SPIDR: variants seen among roughly 807,000 people sequenced by gnomAD.
SPIDR encodes scaffold protein involved in DNA repair, also known as DNA repair-scaffolding protein.
SPIDR carries 93 observed loss-of-function variants against 104.6 expected under a neutral mutation model. The ratio of observed to expected loss-of-function variants is 0.89; its 90% CI spans 0.75 to 1.06. SPIDR has a LOEUF of 1.06. SPIDR is among the 50% of genes least tolerant of loss of function. The pLI is 0.00. For synonymous variants in SPIDR, 431 were observed against 416.9 expected (o/e 1.03, Z -0.41); for missense variants, 1,154 against 1,111.2 (o/e 1.04, Z -0.55).
intron 10 of SPIDR, among the ~76,000 whole-genome samples, chr8:47,637,226 T>G (rs1277894223): frequency 3.9e-5 from 6 of 152,188 alleles, no homozygotes; most frequent in Non-Finnish European, 2.9e-5. Flanking sequence ...TTTTGAGACT[T>G]CTCTTTTATG....
chr8:47,478,288 G>A (rs538455834), intron 8 of SPIDR, among the ~76,000 whole-genome samples: 6 of 152,296 alleles, frequency 3.9e-5, no homozygotes, highest in South Asian at 4.1e-4. Flanking sequence ...TGGTGACAGC[G>A]TGGTGGGGAG....
intron 10 of SPIDR, among the ~76,000 whole-genome samples, chr8:47,665,674 T>A (rs1207497626): frequency 6.6e-6 from 1 of 152,244 alleles, no homozygotes; most frequent in Non-Finnish European, 1.5e-5. Context: ...TATCACCTGC[T>A]AAATACTGCT....
intron 10 of SPIDR, among the ~76,000 whole-genome samples, chr8:47,606,609 G>A (rs1030905019): frequency 1.3e-5 from 2 of 152,124 alleles, no homozygotes; most frequent in African/African-American, 4.8e-5. Flanking sequence ...GCCGAATGAG[G>A]AACATGCACT....
intron 5 of SPIDR, among the ~76,000 whole-genome samples, chr8:47,295,742 G>A (rs368331222): frequency 0.018 from 2,675 of 152,194 alleles, 84 homozygotes; most frequent in African/African-American, 0.06. Flanking sequence ...ATTGTGAATA[G>A]CACTGCAGTT....
chr8:47,300,562 C>T (rs1051344261), intron 5 of SPIDR, among the ~76,000 whole-genome samples: 55 of 152,270 alleles, frequency 3.6e-4, no homozygotes, highest in African/African-American at 1.2e-3. Context: ...TTAGATCTTT[C>T]CTGCTTTCTC....
At chr8:47,310,734 G>T (rs6473889) in intron 5 of SPIDR, among the ~76,000 whole-genome samples, 1 of 151,984 alleles carries the variant, frequency 6.6e-6, no homozygotes, top group Non-Finnish European at 1.5e-5. Flanking sequence ...CATAAAGAAG[G>T]GTGTCCCAAA....
intron 10 of SPIDR, among the ~76,000 whole-genome samples, chr8:47,660,738 A>G (rs546742934): frequency 9.9e-5 from 15 of 152,272 alleles, no homozygotes; most frequent in African/African-American, 2.9e-4. Flanking sequence ...ATCTATGTGA[A>G]ATGGTATACC....
chr8:47,708,656 A>G (rs547168664), intron 14 of SPIDR, among the ~76,000 whole-genome samples: 1 of 152,202 alleles, frequency 6.6e-6, no homozygotes, highest in Admixed American at 6.5e-5. Context: ...GTGACCTAAA[A>G]ATCTGCTCCA....
At position 47,486,976 on chromosome 8, in the gene SPIDR, A is replaced by T. The variant is rs186067221; in HGVS notation, c.1097+46434A>T. ...AAAATAACCAGCTAACATCATAATG[A>T]CAGGATCAAATTCACATATAACAAT... On this transcript the variant is annotated intron_variant, in intron 8 of 19. Coordinates refer to ENST00000297423, the MANE Select transcript of SPIDR (RefSeq NM_001080394.4). 9.2e-5 allele frequency among the ~76,000 whole-genome samples: 14 copies of T among 152,340 alleles called. No homozygotes were observed. The East Asian group carries it at 2.7e-3, about 29-fold the overall frequency.
intron 5 of SPIDR, among the ~76,000 whole-genome samples, chr8:47,366,764 A>G (rs187178670): frequency 2.0e-5 from 3 of 152,362 alleles, no homozygotes; most frequent in Admixed American, 6.5e-5. Context: ...GCAAAGATGT[A>G]TAGATTAAGG....
chr8:47,509,215 C>T (rs1327148472), intron 8 of SPIDR, among the ~76,000 whole-genome samples: 1 of 152,222 alleles, frequency 6.6e-6, no homozygotes, highest in Admixed American at 6.5e-5. Context: ...GCCAGATCCT[C>T]TTGCCTCTGG....
At chr8:47,511,366 G>A (rs1454855912) in intron 8 of SPIDR, 23 of 1,011,834 alleles carry the variant, frequency 2.3e-5, no homozygotes, top group African/African-American at 7.8e-5. Flanking sequence ...AGTGCTGCTC[G>A]GTGTCTGACC....
chr8:47,330,829 C>T (rs782006778), intron 5 of SPIDR: 1 of 456,074 alleles, frequency 2.2e-6, no homozygotes, highest in South Asian at 1.5e-5. Flanking sequence ...TTGGAAGTTT[C>T]CGTGTGGAGA....
intron 8 of SPIDR, among the ~76,000 whole-genome samples, chr8:47,478,398 G>C (rs1554724884): frequency 6.6e-6 from 1 of 152,194 alleles, no homozygotes; most frequent in African/African-American, 2.4e-5. Flanking sequence ...AGGCTGCCAT[G>C]ACTGGGAGAT....
chr8:47,598,086 A>G lies in SPIDR; in HGVS notation c.1294-860A>G, dbSNP rs2061829642. ...AAGACTCTCGAATCAATTTAATTAT[A>G]ACATCAAAAATATGGCCCAGAGCAC... On this transcript the variant is annotated intron_variant, in intron 9 of 19. Transcript: ENST00000297423. Among the ~76,000 whole-genome samples the G allele has an allele frequency of 2.0e-5, 3 of 152,386 alleles. No individual in the cohort carries two copies. In the South Asian group the frequency reaches 6.2e-4, roughly 32 times the overall value.
chr8:47,365,331 C>T (rs1055417443), intron 5 of SPIDR, among the ~76,000 whole-genome samples: 1 of 152,182 alleles, frequency 6.6e-6, no homozygotes, highest in Admixed American at 6.5e-5. Flanking sequence ...TGTGTTCTTC[C>T]AGAGACTTAA....
At chr8:47,354,721 A>C (rs1554624669) in intron 5 of SPIDR, among the ~76,000 whole-genome samples, 1 of 152,000 alleles carries the variant, frequency 6.6e-6, no homozygotes, top group African/African-American at 2.4e-5. Flanking sequence ...AGCACACTGC[A>C]GTCTTGAATT....
chr8:47,296,510 A>G (rs2040865754), intron 5 of SPIDR, among the ~76,000 whole-genome samples: 1 of 152,128 alleles, frequency 6.6e-6, no homozygotes, highest in Admixed American at 6.6e-5. Flanking sequence ...AGCACAATTT[A>G]TTGAGGATTG....
chr8:47,323,840 G>A (rs192551517), intron 5 of SPIDR, among the ~76,000 whole-genome samples: 25 of 152,268 alleles, frequency 1.6e-4, no homozygotes, highest in Admixed American at 1.6e-3. Context: ...AGAACCCATG[G>A]ACACCTTTAT....
Sources: allele counts gnomAD v4.1 joint callset (sites outside exome capture counted in the v4.1 genomes callset), GRCh38; gene constraint gnomAD v4.1.1; transcripts MANE v1.5; gene names NCBI Gene and HGNC (gene_info 2026-07-23, HGNC 2026-07-21).